CDT1: variants seen among roughly 807,000 people sequenced by gnomAD.
CDT1 encodes the protein chromatin licensing and DNA replication factor 1.
CDT1 carries 66 observed loss-of-function variants against 49.3 expected under a neutral mutation model. That is an observed-to-expected ratio of 1.34 (90% CI 1.10 to 1.64). The LOEUF is 1.64. Ranked by LOEUF, CDT1 falls within the 40% of genes most tolerant of loss-of-function variation. The pLI is 0.00. For missense variants in CDT1, 958 were observed against 807.7 expected (o/e 1.19, Z -2.26); for synonymous variants, 424 against 347.4 (o/e 1.22, Z -2.45).
In CDT1 at chr16:88,804,070, T is replaced by TGGGGAGACTGAGGCCGGGGAGTTGGGGGC. The variant is rs941213119; in HGVS notation, c.228+27_228+55dup. ...CTGTCGGTGGACGAGGTGAGGGGCGTGGGGAGACTGAGGCCGGGGAGTTGG... is the reference window on the plus strand; with the variant it reads ...CTGTCGGTGGACGAGGTGAGGGGCGTGGGGAGACTGAGGCCGGGGAGTTGGGGGCGGGGAGACTGAGGCCGGGGAGTTGG... On this transcript the variant is annotated intron_variant, in intron 1 of 9. Coordinates refer to ENST00000301019, the MANE Select transcript of CDT1 (RefSeq NM_030928.4). 1.4e-6 allele frequency: 2 copies of TGGGGAGACTGAGGCCGGGGAGTTGGGGGC among 1,381,590 alleles called. No individual in the cohort carries two copies. Among genetic ancestry groups the TGGGGAGACTGAGGCCGGGGAGTTGGGGGC allele is most frequent in the African/African-American group, 3.1e-5 (2 of 63,852 alleles). 85.6% of individuals were successfully genotyped at this position (1,381,590 alleles called of 1,614,324 possible). A position where few individuals can be genotyped will look rare whatever the true frequency, so the allele number is the denominator to read the frequency against.
chr16:88,805,124 G>C (rs1404633195), intron 3 of CDT1, among the ~76,000 whole-genome samples: 1 of 152,368 alleles, frequency 6.6e-6, no homozygotes, highest in East Asian at 1.9e-4. Flanking sequence ...GACTCTGGCA[G>C]GTTTCAAATG....
At position 88,808,170 on chromosome 16, in the gene CDT1, C is replaced by G. The variant is rs773464198; in HGVS notation, c.1533C>G (p.Ser511Arg). The change falls in exon 10 of 10, where the codon AGC becomes AGG. Residue 511 changes from serine (S) to arginine (R), a missense_variant. Ser to Arg is a moderately radical substitution (Grantham distance 110). Coordinates refer to ENST00000301019, the MANE Select transcript of CDT1 (RefSeq NM_030928.4). ...CCGAGCTGCTGCCGGACTGGCTCAG[C>G]CTCCACCGCATCCGCACCGACACCT... ...LLSELLPDWL[S>R]LHRIRTDTYV... The G allele has an allele frequency of 2.5e-6, 4 of 1,612,736 alleles. No homozygotes were observed. The South Asian group carries it at 4.4e-5, about 18-fold the overall frequency.
rs142465113 is a variant in CDT1, at chr16:88,807,394, C to T, written c.1389C>T (p.Ser463=). 16 of 1,612,690 alleles carry T rather than the reference C, an allele frequency of 9.9e-6. No homozygotes were observed. The highest frequency in any genetic ancestry group is 5.3e-5 in the African/African-American group (4 of 74,948). The change falls in exon 9 of 10, where the codon AGC becomes AGT. Residue 463 remains serine, a synonymous_variant. Transcript: ENST00000301019. ...CTGAGCTGGCCCGCGTGCTGCGGAGCGTCTTTGTGTCCGAACGCAAGCCTG... is the reference window on the plus strand; with the variant it reads ...CTGAGCTGGCCCGCGTGCTGCGGAGTGTCTTTGTGTCCGAACGCAAGCCTG... ...RLPELARVLR[S]VFVSERKPAL... is the part of the protein sequence containing the mutation.
At position 88,805,793 on chromosome 16, in the gene CDT1, G is replaced by A; in HGVS notation, c.756G>A (p.Glu252=). 1.9e-6 allele frequency: 3 copies of A among 1,613,188 alleles called. No homozygotes were observed. The highest frequency in any genetic ancestry group is 2.5e-6 in the Non-Finnish European group (3 of 1,179,986). ...VYPASYRFRQ[E]RSVPTFKDGT... is the part of the protein sequence containing the mutation. ...CGGCCTCCTACCGCTTCCGCCAGGAGCGCAGTGTCCCCACCTTCAAGGATG... is the reference window on the plus strand; with the variant it reads ...CGGCCTCCTACCGCTTCCGCCAGGAACGCAGTGTCCCCACCTTCAAGGATG... The change falls in exon 5 of 10, where the codon GAG becomes GAA. Residue 252 remains glutamate, a synonymous_variant. Transcript: ENST00000301019.
chr16:88,807,438 C>T lies in CDT1; in HGVS notation c.1433C>T (p.Ala478Val), dbSNP rs765805425. ...ERKPALSMEV[A>V]CARMVGSCCT... is the part of the protein sequence containing the mutation. ...AAGCCTGCGCTCAGCATGGAGGTGG[C>T]CTGTGCCAGGATGGTGGGCAGCTGT... is the stretch of plus-strand genomic sequence containing the variant. The change falls in exon 9 of 10, where the codon GCC (alanine) becomes GTC (valine). Residue 478 changes from alanine to valine, a missense_variant. Physicochemically the swap from Ala to Val is moderately conservative, Grantham distance 64 (BLOSUM62 0). Transcript: ENST00000301019. 2.5e-6 allele frequency: 4 copies of T among 1,613,140 alleles called. No homozygotes were observed. Among genetic ancestry groups the T allele is most frequent in the Non-Finnish European group, 3.4e-6 (4 of 1,179,978 alleles).
chr16:88,808,429 C>G lies in CDT1; in HGVS notation c.*151C>G. Reference sequence around the variant, plus strand: ...CAGATGTGGGCTGCAGGCTGCACAGCCCGAGGGTCTCTGGCTGCGGGCGGT... The same window carrying G: ...CAGATGTGGGCTGCAGGCTGCACAGGCCGAGGGTCTCTGGCTGCGGGCGGT... On this transcript the variant is annotated 3_prime_UTR_variant, in exon 10 of 10. Coordinates refer to ENST00000301019, the MANE Select transcript of CDT1 (RefSeq NM_030928.4). 1 of 889,578 alleles carries G rather than the reference C, an allele frequency of 1.1e-6. No individual in the cohort carries two copies. Among genetic ancestry groups the G allele is most frequent in the East Asian group, 2.7e-5 (1 of 37,530 alleles). The allele number at this position is 889,578 out of a possible 1,614,324, so 55.1% of individuals were successfully genotyped here.
chr16:88,806,710 G>T (rs750714791), intron 7 of CDT1, 36 bp downstream of exon 7: 5 of 1,560,958 alleles, frequency 3.2e-6, no homozygotes, highest in Non-Finnish European at 3.5e-6. Context: ...CATTTCTCCC[G>T]GGTGGGTGGG....
Position 88,804,744 on chromosome 16 carries a change from C to T in CDT1, c.352-18C>T. The T allele has an allele frequency of 6.2e-7, 1 of 1,612,802 alleles. No individual in the cohort carries two copies. The highest frequency in any genetic ancestry group is 8.5e-7 in the Non-Finnish European group (1 of 1,179,886). ...GCCTGCCTGCCTGACGGCACCGTGT[C>T]CCCTGATCCCCCTGAAGGACACCAT... On this transcript the variant is annotated intron_variant, in intron 2 of 9. Transcript: ENST00000301019.
Position 88,808,217 on chromosome 16 carries a change from C to A in CDT1, c.1580C>A (p.Ala527Glu), listed in dbSNP as rs752730813. The A allele has an allele frequency of 1.9e-6, 3 of 1,610,682 alleles. No homozygotes were observed. Among genetic ancestry groups the A allele is most frequent in the African/African-American group, 1.3e-5 (1 of 74,932 alleles). Reference protein sequence around the residue: ...TDTYVKLDKAADLAHITARLA... With the variant: ...TDTYVKLDKAEDLAHITARLA... ...ACCTACGTCAAGCTGGACAAGGCCG[C>A]GGACCTCGCCCACATCACTGCACGC... Residue 527 changes from alanine (A) to glutamate (E), a missense_variant, in exon 10 of 10, where the codon GCG becomes GAG. Physicochemically the swap from Ala to Glu is moderately radical, Grantham distance 107. Coordinates refer to ENST00000301019, the MANE Select transcript of CDT1 (RefSeq NM_030928.4).
chr16:88,806,874 T>C (rs1384697742), intron 7 of CDT1, among the ~76,000 whole-genome samples, 177 bp from the exon 8 acceptor site: 2 of 152,232 alleles, frequency 1.3e-5, no homozygotes, highest in African/African-American at 2.4e-5. Flanking sequence ...ACTAGCCCCA[T>C]GTGGGGAGTT....
rs776755254 is a variant in CDT1, at chr16:88,806,130, C to A, written c.933+9C>A. 3 of 1,576,460 alleles carry A rather than the reference C, an allele frequency of 1.9e-6. No homozygotes were observed. The African/African-American group carries it at 4.0e-5, about 21-fold the overall frequency. On this transcript the variant is annotated intron_variant, in intron 6 of 9. Transcript: ENST00000301019. ...TCAAGGAGCACCACAAGGTGAGCGG[C>A]CCCCGGCCCCGCTGTGTGAAGATGG...
Position 88,808,109 on chromosome 16 carries a change from C to T in CDT1, c.1478-6C>T, listed in dbSNP as rs756279990. 1 of 1,611,998 alleles carries T rather than the reference C, an allele frequency of 6.2e-7. No homozygotes were observed. The highest frequency in any genetic ancestry group is 8.5e-7 in the Non-Finnish European group (1 of 1,179,634). ...CCAGCCTCAGTGTCCTCCTCTCCTC[C>T]CCCAGGGGAAATGGAGAAGCACCTG... is the stretch of plus-strand genomic sequence containing the variant. On this transcript the variant is annotated splice_region_variant and splice_polypyrimidine_tract_variant and intron_variant, in intron 9 of 9. Coordinates refer to ENST00000301019, the MANE Select transcript of CDT1 (RefSeq NM_030928.4).
In CDT1 at chr16:88,805,507, C is replaced by G. The variant is rs1167857590; in HGVS notation, c.556C>G (p.Leu186Val). 1 of 1,612,818 alleles carries G rather than the reference C, an allele frequency of 6.2e-7. No homozygotes were observed. Among genetic ancestry groups the G allele is most frequent in the African/African-American group, 1.3e-5 (1 of 74,948 alleles). Residue 186 changes from leucine to valine, a missense_variant, in exon 4 of 10, where the codon CTG (leucine) becomes GTG (valine). Transcript: ENST00000301019. Reference protein sequence around the residue: ...LAQPGLPGLVLPYKYQVLAEM... With the variant: ...LAQPGLPGLVVPYKYQVLAEM... ...CCAGCCCGGCCTGCCGGGACTCGTG[C>G]TGCCCTACAAGTACCAGGTGCTGGC... is the stretch of plus-strand genomic sequence containing the variant.
chr16:88,805,857 C>T lies in CDT1; in HGVS notation c.820C>T (p.Leu274=). The T allele has an allele frequency of 6.2e-7, 1 of 1,613,122 alleles. No individual in the cohort carries two copies. The highest frequency in any genetic ancestry group is 8.5e-7 in the Non-Finnish European group (1 of 1,179,982). ...AGATTACCAGCTCACCATCGAGCCA[C>T]TGCTGGAGCAGGGTGAGTGCTGGGT... ...RSDYQLTIEP[L]LEQEADGAAP... Residue 274 remains leucine (L), a synonymous_variant, in exon 5 of 10, where the codon CTG becomes TTG. Transcript: ENST00000301019.
intron 9 of CDT1, 37 bp downstream of exon 9, chr16:88,807,519 G>T: frequency 1.3e-6 from 2 of 1,583,386 alleles, no homozygotes; most frequent in Non-Finnish European, 1.7e-6. Flanking sequence ...GTGCAGGGTG[G>T]AATTGCCTGG....
chr16:88,808,357 T>C lies in CDT1; in HGVS notation c.*79T>C, dbSNP rs1318175876. 6 of 1,474,346 alleles carry C rather than the reference T, an allele frequency of 4.1e-6. No homozygotes were observed. Among genetic ancestry groups the C allele is most frequent in the Non-Finnish European group, 4.6e-6 (5 of 1,096,680 alleles). The allele number at this position is 1,474,346 out of a possible 1,614,324, so 91.3% of individuals were successfully genotyped here. A position where few individuals can be genotyped will look rare whatever the true frequency, so the allele number is the denominator to read the frequency against. On this transcript the variant is annotated 3_prime_UTR_variant, in exon 10 of 10. Transcript: ENST00000301019. Reference sequence around the variant, plus strand: ...CCACCAGCATTTTCTTTTATGAACATGATACACTTTGGCCTTCCTTTCCCC... The same window carrying C: ...CCACCAGCATTTTCTTTTATGAACACGATACACTTTGGCCTTCCTTTCCCC...
Position 88,808,669 on chromosome 16 carries a change from G to A in CDT1, c.*391G>A, listed in dbSNP as rs1908967744. On this transcript the variant is annotated 3_prime_UTR_variant, in exon 10 of 10. Transcript: ENST00000301019. ...CTCTAATCTTGGAACCTCTGAATATGGGACCTCCCACAGCAAAGGGTGACT... is the reference window on the plus strand; with the variant it reads ...CTCTAATCTTGGAACCTCTGAATATAGGACCTCCCACAGCAAAGGGTGACT... The A allele has an allele frequency of 2.0e-5, 5 of 246,014 alleles. No individual in the cohort carries two copies. In the South Asian group the frequency reaches 2.9e-4, roughly 14 times the overall value. The allele number at this position is 246,014 out of a possible 1,614,324, so 15.2% of individuals were successfully genotyped here.
chr16:88,805,676 G>C (rs1908825357), intron 4 of CDT1, 39 bp downstream of exon 4: 2 of 1,612,454 alleles, frequency 1.2e-6, no homozygotes, highest in Admixed American at 1.7e-5. Flanking sequence ...TCCTGGAGTT[G>C]GGGGTGGGCC....
Position 88,807,461 on chromosome 16 carries a change from T to G in CDT1, c.1456T>G (p.Cys486Gly). Residue 486 changes from cysteine to glycine, a missense_variant, in exon 9 of 10, where the codon TGT becomes GGT. By Grantham distance (159) the Cys-to-Gly change is radical. Coordinates refer to ENST00000301019, the MANE Select transcript of CDT1 (RefSeq NM_030928.4). ...GGCCTGTGCCAGGATGGTGGGCAGCTGTTGTACTATCATGAGCCCTGGTAC... is the reference window on the plus strand; with the variant it reads ...GGCCTGTGCCAGGATGGTGGGCAGCGGTTGTACTATCATGAGCCCTGGTAC... Reference protein sequence around the residue: ...EVACARMVGSCCTIMSPGEME... With the variant: ...EVACARMVGSGCTIMSPGEME... 6.2e-7 allele frequency: 1 copy of G among 1,613,126 alleles called. No individual in the cohort carries two copies. The highest frequency in any genetic ancestry group is 8.5e-7 in the Non-Finnish European group (1 of 1,179,940).
Sources: allele counts gnomAD v4.1 joint callset (sites outside exome capture counted in the v4.1 genomes callset), GRCh38; gene constraint gnomAD v4.1.1; transcripts MANE v1.5; gene names NCBI Gene and HGNC (gene_info 2026-07-23, HGNC 2026-07-21).